ADAMTSL1: variants seen among roughly 807,000 people sequenced by gnomAD.
ADAMTSL1 encodes the protein ADAMTS-like protein 1.
In ADAMTSL1, 126 loss-of-function variants were observed where a neutral mutation model predicts 201.8. That is an observed-to-expected ratio of 0.62 (90% CI 0.54 to 0.72). The LOEUF (loss-of-function observed/expected upper bound fraction) is 0.72. Ranked by LOEUF, ADAMTSL1 falls within the 30% of genes least tolerant of loss-of-function variation. ADAMTSL1 has a pLI of 0.00. For missense variants in ADAMTSL1, 2,679 were observed against 2,277.8 expected, an observed-to-expected ratio of 1.18 and a Z score of -3.59; for synonymous variants, 1,121 against 903.4, an observed-to-expected ratio of 1.24 and a Z score of -4.32.
intron 20 of ADAMTSL1, among the ~76,000 whole-genome samples, chr9:18,808,319 A>G (rs940652902): frequency 6.6e-6 from 1 of 152,222 alleles, no homozygotes; most frequent in Non-Finnish European, 1.5e-5. Context: ...TAAGAGGGTC[A>G]ATTGATTAAG....
intron 1 of ADAMTSL1, among the ~76,000 whole-genome samples, chr9:18,092,441 A>G (rs900075490): frequency 3.3e-5 from 5 of 152,236 alleles, no homozygotes; most frequent in African/African-American, 9.6e-5. Context: ...GTACACACAC[A>G]TACATGTATT....
intron 1 of ADAMTSL1, chr9:18,163,712 T>TTC (rs1827506954): frequency 6.6e-6 from 1 of 152,044 alleles, no homozygotes; most frequent in African/African-American, 2.4e-5. Flanking sequence ...GTTCTAGTGG[T>TTC]TCTCGCATTA....
intron 20 of ADAMTSL1, among the ~76,000 whole-genome samples, chr9:18,814,933 A>G (rs1047134404): frequency 5.9e-5 from 9 of 152,182 alleles, no homozygotes; most frequent in African/African-American, 1.7e-4. Flanking sequence ...ATACATACAA[A>G]TGGCCAACAG....
chr9:18,454,992 A>G (rs1351585563), intron 2 of ADAMTSL1, among the ~76,000 whole-genome samples: 1 of 151,884 alleles, frequency 6.6e-6, no homozygotes, highest in East Asian at 1.9e-4. Flanking sequence ...ATTCTTCCCC[A>G]CCCCCACCTT....
intron 4 of ADAMTSL1, among the ~76,000 whole-genome samples, chr9:18,607,390 A>G (rs1372726837): frequency 6.6e-6 from 1 of 152,202 alleles, no homozygotes; most frequent in African/African-American, 2.4e-5. Flanking sequence ...ATGGCATTTG[A>G]TAGACCCACT....
chr9:18,589,504 A>G (rs947250383), intron 4 of ADAMTSL1, among the ~76,000 whole-genome samples: 1 of 152,212 alleles, frequency 6.6e-6, no homozygotes, highest in Non-Finnish European at 1.5e-5. Context: ...TAACTATAAG[A>G]TTATGTCATC....
intron 4 of ADAMTSL1, among the ~76,000 whole-genome samples, chr9:18,574,936 G>A (rs113418875): frequency 2.0e-5 from 3 of 152,234 alleles, no homozygotes; most frequent in African/African-American, 7.2e-5. Flanking sequence ...TTATTTTCAG[G>A]TCCACTTTTT....
At chr9:18,209,313 A>G (rs566563406) in intron 2 of ADAMTSL1, among the ~76,000 whole-genome samples, 20 of 152,298 alleles carry the variant, frequency 1.3e-4, no homozygotes, top group African/African-American at 3.6e-4. Flanking sequence ...TCATCATTAG[A>G]ACCTTCACTA....
chr9:18,734,823 C>T lies in ADAMTSL1; in HGVS notation c.2006+13158C>T, dbSNP rs141594128. 7.6e-3 allele frequency among the ~76,000 whole-genome samples: 1,153 copies of T among 152,238 alleles called. 23 individuals are homozygous for T. The highest frequency in any genetic ancestry group is 0.026 in the African/African-American group (1,075 of 41,538). On this transcript the variant is annotated intron_variant, in intron 15 of 28. Transcript: ENST00000380548. ...TATTCCCCCAGAGTCCCAATCCAGGCTTTCCAAGAAACCTCAGGGCAGTTT... is the reference window on the plus strand; with the variant it reads ...TATTCCCCCAGAGTCCCAATCCAGGTTTTCCAAGAAACCTCAGGGCAGTTT...
rs138773065 is a variant in ADAMTSL1 at position 18,279,236 on chromosome 9, A to G, written c.207+115255A>G. Among the ~76,000 whole-genome samples the G allele has an allele frequency of 4.9e-3, 752 of 152,192 alleles. 8 individuals carry two copies. Among genetic ancestry groups the G allele is most frequent in the African/African-American group, 0.017 (724 of 41,506 alleles). ...AATCCTAGTCAGCCCTGCAGAACCT[A>G]CATGTATAAAAGTCAGCCCTCTGTA... On this transcript the variant is annotated intron_variant, in intron 2 of 29. Coordinates refer to the ADAMTSL1 transcript ENST00000680146.
At chr9:18,511,130 G>T (rs1817997137) in intron 2 of ADAMTSL1, among the ~76,000 whole-genome samples, 1 of 152,080 alleles carries the variant, frequency 6.6e-6, no homozygotes, top group Non-Finnish European at 1.5e-5. Flanking sequence ...ATGGCAACGA[G>T]TTAGATAGCT....
At chr9:17,914,546 C>G (rs1045194319) in intron 1 of ADAMTSL1, among the ~76,000 whole-genome samples, 2 of 149,774 alleles carry the variant, frequency 1.3e-5, no homozygotes, top group African/African-American at 5.0e-5. Context: ...CTATCTATGA[C>G]AAACCCACAG....
At chr9:18,380,312 T>C (rs1160839132) in intron 2 of ADAMTSL1, among the ~76,000 whole-genome samples, 1 of 152,014 alleles carries the variant, frequency 6.6e-6, no homozygotes, top group African/African-American at 2.4e-5. Flanking sequence ...TTAGAATGAA[T>C]GCACAATTTG....
intron 7 of ADAMTSL1, among the ~76,000 whole-genome samples, chr9:18,657,379 G>T (rs1202794246): frequency 6.6e-6 from 1 of 152,210 alleles, no homozygotes; most frequent in Non-Finnish European, 1.5e-5. Context: ...AGATGATAGT[G>T]AAATCACAAA....
At chr9:18,892,887 TC>T (rs963534901) in intron 26 of ADAMTSL1, among the ~76,000 whole-genome samples, 13 of 152,030 alleles carry the variant, frequency 8.6e-5, no homozygotes, top group Admixed American at 2.6e-4. Flanking sequence ...TGTCCTCCAC[TC>T]CCACCCCCAG....
intron 1 of ADAMTSL1, among the ~76,000 whole-genome samples, chr9:18,148,819 T>C: frequency 6.6e-6 from 1 of 152,082 alleles, no homozygotes; most frequent in Admixed American, 6.6e-5. Flanking sequence ...CATGTAAATA[T>C]TTTTATTAGT....
rs1009310400 is a variant in ADAMTSL1 at position 18,663,395 on chromosome 9, C to A, written c.1085+1322C>A. On this transcript the variant is annotated intron_variant, in intron 9 of 28. Coordinates refer to ENST00000380548, the MANE Select transcript of ADAMTSL1 (RefSeq NM_001040272.6). Reference sequence around the variant, plus strand: ...AAAATTATATATTAAAAATTGGATACGACATAAAAACTGAATAAGGTGTTG... The same window carrying A: ...AAAATTATATATTAAAAATTGGATAAGACATAAAAACTGAATAAGGTGTTG... Among the ~76,000 whole-genome samples, 4 of 151,972 alleles carry A rather than the reference C, an allele frequency of 2.6e-5. No homozygotes were observed. In the East Asian group the frequency reaches 7.7e-4, roughly 29 times the overall value.
chr9:18,633,933 T>C (rs1218652670), intron 5 of ADAMTSL1, among the ~76,000 whole-genome samples: 1 of 152,148 alleles, frequency 6.6e-6, no homozygotes, highest in Admixed American at 6.5e-5. Context: ...TTTCAATCCC[T>C]GTCCTTTAAG....
Position 18,062,069 on chromosome 9 carries a change from C to A in ADAMTSL1, c.88-101793C>A, listed in dbSNP as rs1822482319. 2.0e-5 allele frequency among the ~76,000 whole-genome samples: 3 copies of A among 152,154 alleles called. No homozygotes were observed. The South Asian group carries it at 6.2e-4, about 32-fold the overall frequency. On this transcript the variant is annotated intron_variant, in intron 1 of 29. Coordinates refer to the ADAMTSL1 transcript ENST00000680146. ...CATCTGATTCACTGGTTTAGGGGTG[C>A]ATTCTTGCTCAATGGTCGACTTAAA...
Sources: gnomAD v4.1 joint callset for allele counts (sites outside exome capture counted in the v4.1 genomes callset) on GRCh38, gnomAD v4.1.1 for gene constraint, MANE v1.5 for transcripts, NCBI Gene and HGNC (gene_info 2026-07-23, HGNC 2026-07-21) for gene names.